Variants in WDR41 observed in about 807,000 individuals in gnomAD.
The protein encoded by WDR41 is WD repeat-containing protein 41.
A neutral mutation model predicts 69.3 loss-of-function variants in WDR41; 63 were observed. That is an observed-to-expected ratio of 0.91 (90% confidence interval 0.74 to 1.12). WDR41 has a LOEUF of 1.12. Among genes scored for constraint, WDR41 ranks in the 50% most tolerant of loss-of-function variants. The pLI, the probability that WDR41 is intolerant of heterozygous loss-of-function variation, is 0.00. For missense variants in WDR41, 543 were observed against 534.5 expected (o/e 1.02, Z -0.16); for synonymous variants, 185 against 192.1 (o/e 0.96, Z 0.31).
chr5:77,583,725 A>C (rs1250685972), intron 1 of WDR41, among the ~76,000 whole-genome samples: 1 of 152,108 alleles, frequency 6.6e-6, no homozygotes, highest in African/African-American at 2.4e-5. Flanking sequence ...AAAATAGCAA[A>C]TGGGGGACCA....
Position 77,432,157 on chromosome 5 carries a change from T to C in WDR41, c.*978A>G, listed in dbSNP as rs1285792692. ...AATGAACAAATAAATCTGTAGGTTT[T>C]CTGTAAGAAGGGTCAGTCTGCTAAC... On this transcript the variant is annotated 3_prime_UTR_variant, in exon 13 of 13. Coordinates refer to ENST00000296679, the MANE Select transcript of WDR41 (RefSeq NM_018268.4). The C allele has an allele frequency of 6.6e-6, 1 of 152,240 alleles. No individual in the cohort carries two copies. Among genetic ancestry groups the C allele is most frequent in the African/African-American group, 2.4e-5 (1 of 41,474 alleles). 9.4% of individuals were successfully genotyped at this position (152,240 alleles called of 1,614,324 possible).
chr5:77,470,061 C>T, intron 2 of WDR41, among the ~76,000 whole-genome samples: 1 of 150,238 alleles, frequency 6.7e-6, no homozygotes, highest in Admixed American at 6.6e-5. Flanking sequence ...GGAAGCCCAT[C>T]AGACTAACAG....
chr5:77,463,313 G>A (rs1312585148), intron 3 of WDR41, 87 bp from the exon 4 acceptor site: 1 of 1,267,178 alleles, frequency 7.9e-7, no homozygotes, highest in African/African-American at 1.5e-5. Context: ...CTACCATATA[G>A]AAGATACATA....
chr5:77,513,637 C>T (rs1802242806), intron 1 of WDR41, among the ~76,000 whole-genome samples: 1 of 152,056 alleles, frequency 6.6e-6, no homozygotes, highest in Non-Finnish European at 1.5e-5. Context: ...CTAAACCAGC[C>T]CTTTAAAAGG....
At chr5:77,515,564 T>A (rs1237368171) in intron 1 of WDR41, among the ~76,000 whole-genome samples, 2 of 152,168 alleles carry the variant, frequency 1.3e-5, no homozygotes, top group Non-Finnish European at 2.9e-5. Context: ...AGCAGTAACA[T>A]CATTATTCTT....
intron 1 of WDR41, among the ~76,000 whole-genome samples, chr5:77,612,663 T>C (rs1436007340): frequency 6.6e-6 from 1 of 152,166 alleles, no homozygotes; most frequent in Non-Finnish European, 1.5e-5. Context: ...AAGAGCTATC[T>C]ATGACAAACC....
chr5:77,470,889 T>C (rs1800565847), intron 2 of WDR41, among the ~76,000 whole-genome samples: 1 of 151,992 alleles, frequency 6.6e-6, no homozygotes, highest in South Asian at 2.1e-4. Context: ...TTAACAAGGA[T>C]ATCCAGGAAT....
intron 8 of WDR41, among the ~76,000 whole-genome samples, chr5:77,445,626 A>C (rs1799351341): frequency 6.6e-6 from 1 of 152,252 alleles, no homozygotes; most frequent in Admixed American, 6.5e-5. Flanking sequence ...CAACATATGC[A>C]AATCAATAAA....
At chr5:77,488,606 T>C (rs1031036718) in intron 2 of WDR41, among the ~76,000 whole-genome samples, 2 of 151,790 alleles carry the variant, frequency 1.3e-5, no homozygotes, top group African/African-American at 4.8e-5. Flanking sequence ...GAAAAACTAG[T>C]AGAGACAACA....
chr5:77,510,762 T>G (rs1049918253), intron 1 of WDR41, among the ~76,000 whole-genome samples: 4 of 145,710 alleles, frequency 2.7e-5, no homozygotes, highest in Non-Finnish European at 6.0e-5. Context: ...TGACTCCAAA[T>G]TCAATTTTTT....
At chr5:77,540,643 G>GCTGC (rs949924975) in intron 1 of WDR41, 1 of 148,506 alleles carries the variant, frequency 6.7e-6, no homozygotes, top group Non-Finnish European at 1.5e-5. Context: ...GTAGGTTGAG[G>GCTGC]CTGCTTTGGG....
chr5:77,488,680 C>T (rs1203326080), intron 2 of WDR41, among the ~76,000 whole-genome samples: 2 of 152,134 alleles, frequency 1.3e-5, no homozygotes, highest in Admixed American at 6.5e-5. Context: ...GAGAGTCATT[C>T]ATTCACTCAG....
At chr5:77,563,562 T>C (rs568392871) in intron 1 of WDR41, among the ~76,000 whole-genome samples, 1 of 152,306 alleles carries the variant, frequency 6.6e-6, no homozygotes, top group Non-Finnish European at 1.5e-5. Context: ...AGCTTGCTTT[T>C]ATGGCCCTTT....
chr5:77,436,353 C>T lies in WDR41; in HGVS notation c.1135G>A (p.Ala379Thr). 1 of 1,614,042 alleles carries T rather than the reference C, an allele frequency of 6.2e-7. No individual in the cohort carries two copies. Among genetic ancestry groups the T allele is most frequent in the Non-Finnish European group, 8.5e-7 (1 of 1,179,960 alleles). ...MWGFGRVSKQ[A>T]SQPVKKQQEN... ...TGCTGCTTTTTAACAGGTTGGCTGGCTTGTTTGCTGACTCTTCCAAATCCC... is the reference window on the plus strand; with the variant it reads ...TGCTGCTTTTTAACAGGTTGGCTGGTTTGTTTGCTGACTCTTCCAAATCCC... Residue 379 changes from alanine (A) to threonine (T), a missense_variant, in exon 12 of 13, where the codon GCC becomes ACC. By Grantham distance (58) the Ala-to-Thr change is moderately conservative. Coordinates refer to ENST00000296679, the MANE Select transcript of WDR41 (RefSeq NM_018268.4).
At chr5:77,618,041 A>G (rs990431565) in intron 1 of WDR41, among the ~76,000 whole-genome samples, 2 of 152,212 alleles carry the variant, frequency 1.3e-5, no homozygotes, top group African/African-American at 4.8e-5. Flanking sequence ...CTAATGAGGA[A>G]TAATGTTAAT....
chr5:77,592,906 C>T (rs1744158191), intron 1 of WDR41, among the ~76,000 whole-genome samples: 1 of 152,138 alleles, frequency 6.6e-6, no homozygotes, highest in Admixed American at 6.6e-5. Context: ...GTGGTATGGC[C>T]AGGGCCACAG....
chr5:77,491,618 A>C (rs1248505895), intron 1 of WDR41, among the ~76,000 whole-genome samples: 2 of 152,082 alleles, frequency 1.3e-5, no homozygotes, highest in Middle Eastern at 3.2e-3. Context: ...AGTTAATTAG[A>C]AAATCATGTT....
chr5:77,546,440 T>A (rs1288260151), intron 1 of WDR41, among the ~76,000 whole-genome samples: 1 of 152,052 alleles, frequency 6.6e-6, no homozygotes, highest in Non-Finnish European at 1.5e-5. Flanking sequence ...TGGGAGATAT[T>A]ACAACTGACA....
chr5:77,553,298 A>G (rs1743331870), intron 1 of WDR41, among the ~76,000 whole-genome samples: 2 of 152,160 alleles, frequency 1.3e-5, no homozygotes, highest in South Asian at 2.1e-4. Context: ...TTCAACCAAG[A>G]TGGAGCCCTG....
Sources: gnomAD v4.1 joint callset for allele counts (sites outside exome capture counted in the v4.1 genomes callset) on GRCh38, gnomAD v4.1.1 for gene constraint, MANE v1.5 for transcripts, NCBI Gene and HGNC (gene_info 2026-07-23, HGNC 2026-07-21) for gene names.